RYR2: variants seen among roughly 807,000 people sequenced by gnomAD.
RYR2 encodes cardiac muscle ryanodine receptor-calcium release channel.
RYR2 carries 227 observed loss-of-function variants against 601.1 expected under a neutral mutation model. The ratio of observed to expected loss-of-function variants is 0.38; its 90% CI spans 0.34 to 0.42. The LOEUF is 0.42. RYR2 is among the 10% of genes least tolerant of loss of function. The pLI, the probability that RYR2 is intolerant of heterozygous loss-of-function variation, is 1.00. For missense variants in RYR2, 4,646 were observed against 6,156.5 expected (o/e 0.75, Z 8.21); for synonymous variants, 2,223 against 2,175.1 (o/e 1.02, Z -0.61).
intron 80 of RYR2, among the ~76,000 whole-genome samples, chr1:237,746,172 A>C (rs1205557867): frequency 6.6e-6 from 1 of 152,184 alleles, no homozygotes; most frequent in Non-Finnish European, 1.5e-5. Context: ...TGAGATGTCT[A>C]TCTGACATAA....
chr1:237,098,950 C>G (rs1013932051), intron 1 of RYR2, among the ~76,000 whole-genome samples: 3 of 152,198 alleles, frequency 2.0e-5, no homozygotes, highest in Non-Finnish European at 2.9e-5. Context: ...CTCAGCTATC[C>G]TTGCCTCTGA....
chr1:237,147,787 C>G (rs1674183364), intron 1 of RYR2, among the ~76,000 whole-genome samples: 1 of 152,238 alleles, frequency 6.6e-6, no homozygotes. Context: ...CTGTGGCTAT[C>G]AGAGAGTCAC....
intron 2 of RYR2, among the ~76,000 whole-genome samples, chr1:237,283,491 G>C (rs1691121018): frequency 6.6e-6 from 1 of 152,110 alleles, no homozygotes; most frequent in African/African-American, 2.4e-5. Context: ...TGTATCTCAG[G>C]TACATAATAC....
intron 1 of RYR2, among the ~76,000 whole-genome samples, chr1:237,127,169 C>T (rs1255614976): frequency 2.0e-5 from 3 of 152,120 alleles, no homozygotes; most frequent in African/African-American, 4.8e-5. Flanking sequence ...AATGAAAAGT[C>T]TCCCATGTCT....
chr1:237,116,946 A>G (rs1282585865), intron 1 of RYR2, among the ~76,000 whole-genome samples: 1 of 152,142 alleles, frequency 6.6e-6, no homozygotes, highest in East Asian at 1.9e-4. Flanking sequence ...ATACAGACAC[A>G]CCCAGAAATC....
At position 237,552,204 on chromosome 1, in the gene RYR2, G is replaced by T. The variant is rs1215550008; in HGVS notation, c.3214+1513G>T. ...ATACCAAGAAGATTCCTGTCTCAAA[G>T]AGTGTACAGTCCCTGTAACCACTGG... On this transcript the variant is annotated intron_variant, in intron 27 of 104. Coordinates refer to ENST00000366574, the MANE Select transcript of RYR2 (RefSeq NM_001035.3). Among the ~76,000 whole-genome samples, 11 of 152,098 alleles carry T rather than the reference G, an allele frequency of 7.2e-5. 1 individual carries two copies. Among genetic ancestry groups the T allele is most frequent in the Admixed American group, 7.2e-4 (11 of 15,262 alleles).
At chr1:237,633,933 A>T (rs1025004175) in intron 43 of RYR2, among the ~76,000 whole-genome samples, 5 of 152,174 alleles carry the variant, frequency 3.3e-5, no homozygotes, top group African/African-American at 7.2e-5. Flanking sequence ...ACCTGTTAGA[A>T]TGCCTATTAT....
At position 237,780,719 on chromosome 1, in the gene RYR2, A is replaced by ATAAG. The variant is rs544611492; in HGVS notation, c.11881-845_11881-842dup. On this transcript the variant is annotated intron_variant, in intron 88 of 104. Transcript: ENST00000366574. ...CTGGAAAGCTTAATCAAATTGGTAA[A>ATAAG]TAAGATACATTGTGTAATATTTATT... is the stretch of plus-strand genomic sequence containing the variant. Among the ~76,000 whole-genome samples the ATAAG allele has an allele frequency of 3.3e-5, 5 of 152,346 alleles. No individual in the cohort carries two copies. In the South Asian group the frequency reaches 8.3e-4, roughly 25 times the overall value.
At chr1:237,778,807 C>A in intron 88 of RYR2, 37 bp downstream of exon 88, 1 of 1,003,462 alleles carries the variant, frequency 1.0e-6, no homozygotes, top group Non-Finnish European at 1.6e-6. Context: ...TCTTAAATGA[C>A]AAACTGGAGA....
intron 2 of RYR2, among the ~76,000 whole-genome samples, chr1:237,289,400 A>G (rs1012706176): frequency 1.3e-5 from 2 of 152,190 alleles, no homozygotes; most frequent in Non-Finnish European, 2.9e-5. Context: ...TTTATAAAGG[A>G]AAGATGTTTA....
intron 1 of RYR2, among the ~76,000 whole-genome samples, chr1:237,142,297 A>C (rs1412885554): frequency 2.6e-5 from 4 of 152,250 alleles, no homozygotes; most frequent in African/African-American, 4.8e-5. Flanking sequence ...CTGAAGTGCT[A>C]GAGTCTGTTA....
chr1:237,456,944 CAA>C (rs554435392), intron 16 of RYR2, among the ~76,000 whole-genome samples: 1 of 151,336 alleles, frequency 6.6e-6, no homozygotes. Context: ...AACACAAAAG[CAA>C]AAAAAATCAC....
chr1:237,286,512 T>C (rs1236975623), intron 2 of RYR2, among the ~76,000 whole-genome samples: 1 of 151,338 alleles, frequency 6.6e-6, no homozygotes, highest in African/African-American at 2.4e-5. Flanking sequence ...GCTCCGTATA[T>C]ATCTGTTAAG....
At chr1:237,606,533 A>T (rs1321774907) in intron 35 of RYR2, among the ~76,000 whole-genome samples, 1 of 152,248 alleles carries the variant, frequency 6.6e-6, no homozygotes, top group Non-Finnish European at 1.5e-5. Context: ...CTAAAACACC[A>T]AAAGCAATGG....
At chr1:237,469,757 A>G (rs1660500835) in intron 17 of RYR2, among the ~76,000 whole-genome samples, 1 of 152,200 alleles carries the variant, frequency 6.6e-6, no homozygotes, top group Non-Finnish European at 1.5e-5. Context: ...CATTTTCCAA[A>G]TCCTAGAGTG....
At chr1:237,242,726 C>T (rs1367274903) in intron 1 of RYR2, among the ~76,000 whole-genome samples, 1 of 152,082 alleles carries the variant, frequency 6.6e-6, no homozygotes, top group East Asian at 1.9e-4. Context: ...AGAAAATGGC[C>T]TTCTTTCATT....
chr1:237,677,163 A>G (rs1415955430), intron 60 of RYR2, among the ~76,000 whole-genome samples: 1 of 152,128 alleles, frequency 6.6e-6, no homozygotes, highest in East Asian at 1.9e-4. Context: ...TTATTATTAT[A>G]TTATTTTGCA....
intron 1 of RYR2, among the ~76,000 whole-genome samples, chr1:237,090,000 C>G (rs1056629953): frequency 6.6e-6 from 1 of 152,174 alleles, no homozygotes; most frequent in Non-Finnish European, 1.5e-5. Context: ...AGGAAACTTA[C>G]AATCATGGCA....
At chr1:237,826,364 A>G (rs1663087551) in intron 101 of RYR2, among the ~76,000 whole-genome samples, 1 of 152,188 alleles carries the variant, frequency 6.6e-6, no homozygotes, top group Non-Finnish European at 1.5e-5. Flanking sequence ...TGTCCTTTGC[A>G]GGGACGTGGA....
Sources: gnomAD v4.1 joint callset for allele counts (sites outside exome capture counted in the v4.1 genomes callset) on GRCh38, gnomAD v4.1.1 for gene constraint, MANE v1.5 for transcripts, NCBI Gene and HGNC (gene_info 2026-07-23, HGNC 2026-07-21) for gene names.